Variants in BBS9 observed in about 807,000 individuals in gnomAD.
BBS9 encodes the protein protein PTHB1.
A neutral mutation model predicts 117.7 loss-of-function variants in BBS9; 89 were observed. The ratio of observed to expected loss-of-function variants is 0.76; its 90% CI spans 0.64 to 0.90. The LOEUF (loss-of-function observed/expected upper bound fraction) is 0.90, where lower values mean the gene tolerates loss of function less well. Ranked by LOEUF, BBS9 falls within the 40% of genes least tolerant of loss-of-function variation. BBS9 has a pLI of 0.00. For missense variants in BBS9, 982 were observed against 1,042.2 expected (o/e 0.94, Z 0.80); for synonymous variants, 379 against 370.9 (o/e 1.02, Z -0.25).
chr7:33,303,581 T>G (rs1248851836), intron 9 of BBS9, among the ~76,000 whole-genome samples: 1 of 133,836 alleles, frequency 7.5e-6, no homozygotes, highest in Non-Finnish European at 1.6e-5. Context: ...TGTACTGCCG[T>G]GATCTCGGCT....
chr7:33,549,879 A>G (rs1854081459), intron 21 of BBS9, among the ~76,000 whole-genome samples: 1 of 152,190 alleles, frequency 6.6e-6, no homozygotes, highest in Non-Finnish European at 1.5e-5. Flanking sequence ...ATCCCTCAGG[A>G]AGATATTTAG....
intron 17 of BBS9, among the ~76,000 whole-genome samples, chr7:33,368,263 C>A (rs1229951913): frequency 1.3e-5 from 2 of 152,010 alleles, no homozygotes; most frequent in Non-Finnish European, 2.9e-5. Flanking sequence ...TTTTTGTTTG[C>A]ATATATTCTT....
intron 5 of BBS9, among the ~76,000 whole-genome samples, chr7:33,227,808 G>A (rs893648789): frequency 6.6e-6 from 1 of 152,128 alleles, no homozygotes; most frequent in African/African-American, 2.4e-5. Context: ...TTATGGCTCA[G>A]TAGTACTCCA....
intron 9 of BBS9, among the ~76,000 whole-genome samples, chr7:33,315,632 G>T (rs1210220312): frequency 6.6e-6 from 1 of 152,176 alleles, no homozygotes; most frequent in Non-Finnish European, 1.5e-5. Flanking sequence ...GAAGGGGAGG[G>T]TTAAATAGGG....
chr7:33,152,004 C>T (rs1584174732), intron 2 of BBS9, among the ~76,000 whole-genome samples: 1 of 152,072 alleles, frequency 6.6e-6, no homozygotes, highest in East Asian at 1.9e-4. Flanking sequence ...ACTACAGGGG[C>T]ATGCCACTGC....
At position 33,337,808 on chromosome 7, in the gene BBS9, A is replaced by T. The variant is rs1210522754; in HGVS notation, c.1198+1186A>T. 2.6e-5 allele frequency among the ~76,000 whole-genome samples: 4 copies of T among 152,266 alleles called. No individual in the cohort carries two copies. The East Asian group carries it at 7.7e-4, about 29-fold the overall frequency. On this transcript the variant is annotated intron_variant, in intron 10 of 22. Coordinates refer to ENST00000242067, the MANE Select transcript of BBS9 (RefSeq NM_198428.3). ...AAGTCTTGTTTTGTCATTTAAAAAT[A>T]TAATTGGGGAAGGGTGGCATAGGCA...
At chr7:33,203,821 C>T (rs532643668) in intron 5 of BBS9, among the ~76,000 whole-genome samples, 3 of 151,904 alleles carry the variant, frequency 2.0e-5, no homozygotes, top group Admixed American at 6.5e-5. Flanking sequence ...CTCCCGGGCT[C>T]AAGCAATTCT....
intron 19 of BBS9, among the ~76,000 whole-genome samples, chr7:33,407,507 GCTCT>G (rs1563133179): frequency 1.2e-4 from 18 of 151,824 alleles, no homozygotes; most frequent in African/African-American, 4.1e-4. Flanking sequence ...GAGGAGAGGC[GCTCT>G]GCTTTTTAGA....
intron 11 of BBS9, among the ~76,000 whole-genome samples, chr7:33,342,928 A>T (rs1237774802): frequency 6.6e-6 from 1 of 152,224 alleles, no homozygotes; most frequent in Non-Finnish European, 1.5e-5. Context: ...AATCATTATT[A>T]TGAAAGCACA....
chr7:33,630,948 C>A (rs548269643), intron 21 of BBS9, among the ~76,000 whole-genome samples: 96 of 152,254 alleles, frequency 6.3e-4, no homozygotes, highest in African/African-American at 1.9e-3. Flanking sequence ...GGATTACAGC[C>A]AAGTGGGGGG....
Position 33,383,765 on chromosome 7 carries a change from A to G in BBS9, c.1889A>G (p.Lys630Arg), listed in dbSNP as rs561404900. ...LQEYFEKQGV[K>R]DFACSFSGSI... ...GAATATTTTGAAAAACAGGGAGTCA[A>G]AGATTTTGCATGTTCTTTTTCGGGA... is the stretch of plus-strand genomic sequence containing the variant. The change falls in exon 18 of 23, where the codon AAA (lysine) becomes AGA (arginine). Residue 630 changes from lysine (K) to arginine (R), a missense_variant. Transcript: ENST00000242067. 10 of 1,613,024 alleles carry G rather than the reference A, an allele frequency of 6.2e-6. No homozygotes were observed. In the Admixed American group the frequency reaches 1.7e-4, roughly 27 times the overall value.
At chr7:33,526,606 T>G (rs1366681870) in intron 20 of BBS9, among the ~76,000 whole-genome samples, 1 of 149,764 alleles carries the variant, frequency 6.7e-6, no homozygotes, top group Admixed American at 6.7e-5. Context: ...CATCAGCTCC[T>G]TTAAGCACTT....
At position 33,221,391 on chromosome 7, in the gene BBS9, G is replaced by A. The variant is rs182967774; in HGVS notation, c.443-35845G>A. 2.4e-3 allele frequency among the ~76,000 whole-genome samples: 360 copies of A among 152,104 alleles called. 2 individuals carry two copies. Among genetic ancestry groups the A allele is most frequent in the African/African-American group, 8.1e-3 (335 of 41,494 alleles). Reference sequence around the variant, plus strand: ...TTATATTTTGATTTAAAAAAATTGCGTATGAGACTGAAATCATCAAGTACT... The same window carrying A: ...TTATATTTTGATTTAAAAAAATTGCATATGAGACTGAAATCATCAAGTACT... On this transcript the variant is annotated intron_variant, in intron 5 of 22. Coordinates refer to ENST00000242067, the MANE Select transcript of BBS9 (RefSeq NM_198428.3).
intron 21 of BBS9, among the ~76,000 whole-genome samples, chr7:33,627,789 G>A (rs1306322139): frequency 6.6e-6 from 1 of 152,130 alleles, no homozygotes; most frequent in East Asian, 1.9e-4. Flanking sequence ...GGGGGCTCAT[G>A]CCCAGCACTT....
chr7:33,181,028 G>A (rs1798028201), intron 5 of BBS9, among the ~76,000 whole-genome samples: 1 of 152,190 alleles, frequency 6.6e-6, no homozygotes, highest in Non-Finnish European at 1.5e-5. Context: ...CCTACTTGAG[G>A]TGCTGCTTGT....
intron 20 of BBS9, among the ~76,000 whole-genome samples, chr7:33,528,068 A>G (rs1431531988): frequency 6.6e-6 from 1 of 152,240 alleles, no homozygotes; most frequent in Non-Finnish European, 1.5e-5. Flanking sequence ...ACAATATGAT[A>G]CAAAGTAATA....
At chr7:33,244,410 A>G (rs903254549) in intron 5 of BBS9, among the ~76,000 whole-genome samples, 2 of 152,178 alleles carry the variant, frequency 1.3e-5, no homozygotes, top group Non-Finnish European at 2.9e-5. Flanking sequence ...GAATTGAACC[A>G]TTTCCAACTT....
At chr7:33,257,778 T>A (rs534342174) in intron 6 of BBS9, among the ~76,000 whole-genome samples, 16 of 152,306 alleles carry the variant, frequency 1.1e-4, no homozygotes, top group African/African-American at 3.8e-4. Flanking sequence ...GATTGTTCCT[T>A]GATATAATAA....
At chr7:33,360,331 A>C (rs192090426) in intron 16 of BBS9, among the ~76,000 whole-genome samples, 1 of 152,106 alleles carries the variant, frequency 6.6e-6, no homozygotes, top group African/African-American at 2.4e-5. Flanking sequence ...GACTTCCTTA[A>C]GGAATACCAG....
Sources: allele counts gnomAD v4.1 joint callset (sites outside exome capture counted in the v4.1 genomes callset), GRCh38; gene constraint gnomAD v4.1.1; transcripts MANE v1.5; gene names NCBI Gene and HGNC (gene_info 2026-07-23, HGNC 2026-07-21).